Variants in EGFR observed in about 807,000 individuals in gnomAD.
EGFR encodes the protein avian erythroblastic leukemia viral (v-erb-b) oncogene homolog.
EGFR carries 58 observed loss-of-function variants against 143.0 expected under a neutral mutation model. The observed-to-expected ratio is 0.41, with a 90% confidence interval of 0.33 to 0.50. The LOEUF is 0.50. Among genes scored for constraint, EGFR ranks in the 20% least tolerant of loss-of-function variants. The pLI, the probability that EGFR is intolerant of heterozygous loss-of-function variation, is 0.39. For synonymous variants in EGFR, 613 were observed against 594.4 expected (o/e 1.03, Z -0.45); for missense variants, 1,307 against 1,579.0 (o/e 0.83, Z 2.92).
intron 7 of EGFR, among the ~76,000 whole-genome samples, chr7:55,154,604 G>A (rs1785320070): frequency 6.6e-6 from 1 of 152,228 alleles, no homozygotes; most frequent in Admixed American, 6.5e-5. Flanking sequence ...AAATTCTAGT[G>A]AAAGTTATGC....
intron 1 of EGFR, among the ~76,000 whole-genome samples, chr7:55,056,484 A>G (rs111799772): frequency 6.6e-6 from 1 of 152,236 alleles, no homozygotes; most frequent in African/African-American, 2.4e-5. Context: ...TCATTTGCCA[A>G]CTGCGGTTCC....
chr7:55,132,223 T>C (rs1341440423), intron 1 of EGFR, among the ~76,000 whole-genome samples: 1 of 152,178 alleles, frequency 6.6e-6, no homozygotes, highest in Non-Finnish European at 1.5e-5. Context: ...TAGGGGTGGA[T>C]ATGCACCACC....
intron 1 of EGFR, among the ~76,000 whole-genome samples, chr7:55,057,033 C>T (rs939181795): frequency 6.6e-6 from 1 of 152,170 alleles, no homozygotes; most frequent in Non-Finnish European, 1.5e-5. Flanking sequence ...GGATGCGCAG[C>T]AAGGAAGACA....
At chr7:55,202,476 C>T (rs2128972928) in intron 26 of EGFR, 41 bp from the exon 27 acceptor site, 9 of 1,526,286 alleles carry the variant, frequency 5.9e-6, no homozygotes, top group Non-Finnish European at 8.0e-6. Flanking sequence ...GAAGTTGGGG[C>T]AGCCCTGACC....
At chr7:55,043,291 C>T (rs969879468) in intron 1 of EGFR, among the ~76,000 whole-genome samples, 3 of 152,110 alleles carry the variant, frequency 2.0e-5, no homozygotes, top group Non-Finnish European at 2.9e-5. Flanking sequence ...GTTTGGAGAA[C>T]CTTTTGGTTG....
intron 1 of EGFR, among the ~76,000 whole-genome samples, chr7:55,078,437 A>C (rs1790262091): frequency 6.6e-6 from 1 of 152,120 alleles, no homozygotes; most frequent in Non-Finnish European, 1.5e-5. Flanking sequence ...GTCACTCCTA[A>C]AGCATGTGTG....
chr7:55,172,737 A>T, intron 16 of EGFR: 1 of 1,026,208 alleles, frequency 9.7e-7, no homozygotes, highest in Non-Finnish European at 1.4e-6. Flanking sequence ...AGAGGTCCAG[A>T]TAAAGCCTCA....
intron 1 of EGFR, among the ~76,000 whole-genome samples, chr7:55,091,989 A>T (rs559119622): frequency 2.6e-4 from 38 of 147,548 alleles, no homozygotes; most frequent in African/African-American, 8.1e-4. Flanking sequence ...TGATTAATCT[A>T]CTCCTAGCAT....
chr7:55,201,647 C>T (rs543311572), intron 25 of EGFR, 88 bp from the exon 26 acceptor site: 4 of 1,503,728 alleles, frequency 2.7e-6, no homozygotes, highest in South Asian at 1.1e-5. Context: ...ACAATATACC[C>T]TCCATGAGGC....
intron 1 of EGFR, among the ~76,000 whole-genome samples, chr7:55,041,282 A>G (rs1562661697): frequency 6.6e-6 from 1 of 152,320 alleles, no homozygotes; most frequent in East Asian, 1.9e-4. Flanking sequence ...ATGATGGCAC[A>G]TGCCTGTAAT....
intron 20 of EGFR, among the ~76,000 whole-genome samples, chr7:55,189,768 G>A (rs1044976398): frequency 2.0e-5 from 3 of 152,154 alleles, no homozygotes; most frequent in Non-Finnish European, 2.9e-5. Context: ...TGTGAAGAAC[G>A]AACAGGGTAG....
intron 1 of EGFR, among the ~76,000 whole-genome samples, chr7:55,137,609 C>A (rs1022885873): frequency 4.6e-5 from 7 of 152,176 alleles, no homozygotes; most frequent in African/African-American, 1.7e-4. Flanking sequence ...AGATGTCCAA[C>A]AAGAATGCAC....
rs1786368377 is a variant in EGFR, at chr7:55,019,300, G to T, written c.23G>T (p.Gly8Val). 2 of 1,515,098 alleles carry T rather than the reference G, an allele frequency of 1.3e-6. No individual in the cohort carries two copies. Among genetic ancestry groups the T allele is most frequent in the South Asian group, 1.2e-5 (1 of 83,214 alleles). The allele number at this position is 1,515,098 out of a possible 1,614,324, so 93.9% of individuals were successfully genotyped here. Reference protein sequence around the residue: MRPSGTAGAALLALLAAL... With the variant: MRPSGTAVAALLALLAAL... Reference sequence around the variant, plus strand: ...GCGATGCGACCCTCCGGGACGGCCGGGGCAGCGCTCCTGGCGCTGCTGGCT... The same window carrying T: ...GCGATGCGACCCTCCGGGACGGCCGTGGCAGCGCTCCTGGCGCTGCTGGCT... The change falls in exon 1 of 28, where the codon GGG becomes GTG. Residue 8 changes from glycine (G) to valine (V), a missense_variant. Gly to Val is a moderately radical substitution (Grantham distance 109, BLOSUM62 -3). Around this residue, in one of 7 missense-constraint regions of EGFR, gnomAD observed 65 missense variants for 37.8 expected, o/e 1.72. Transcript: ENST00000275493.
At chr7:55,122,401 C>T (rs1481905407) in intron 1 of EGFR, among the ~76,000 whole-genome samples, 7 of 152,226 alleles carry the variant, frequency 4.6e-5, no homozygotes, top group Admixed American at 4.6e-4. Context: ...AGCATGTGTC[C>T]TCAATGGGCT....
intron 1 of EGFR, among the ~76,000 whole-genome samples, chr7:55,068,167 C>T (rs1789626165): frequency 6.6e-6 from 1 of 152,040 alleles, no homozygotes; most frequent in African/African-American, 2.4e-5. Flanking sequence ...CCTTTTTAGT[C>T]AAAAGAACAG....
rs1237706679 is a variant in EGFR, at chr7:55,155,960, C to A, written c.1006+14C>A. On this transcript the variant is annotated intron_variant, in intron 8 of 27. Transcript: ENST00000275493. ...CTTGCCGCAAAGGTAGGAAGCCCGC[C>A]GGTGTGCGGACGAGGCTTGTTCTCG... 4 of 1,598,990 alleles carry A rather than the reference C, an allele frequency of 2.5e-6. No individual in the cohort carries two copies. Among genetic ancestry groups the A allele is most frequent in the Non-Finnish European group, 3.4e-6 (4 of 1,168,064 alleles).
chr7:55,138,811 C>T (rs138177455), intron 1 of EGFR, among the ~76,000 whole-genome samples: 33 of 152,308 alleles, frequency 2.2e-4, no homozygotes, highest in African/African-American at 6.5e-4. Context: ...ATGTATTTGG[C>T]TCATGGTTCT....
At chr7:55,096,643 G>A (rs1223839240) in intron 1 of EGFR, among the ~76,000 whole-genome samples, 2 of 152,120 alleles carry the variant, frequency 1.3e-5, no homozygotes, top group Non-Finnish European at 2.9e-5. Flanking sequence ...TCCCGGCCAC[G>A]CAGCCCTGTG....
At chr7:55,168,669 G>A (rs1276377531) in intron 15 of EGFR, 7 of 1,312,608 alleles carry the variant, frequency 5.3e-6, no homozygotes, top group African/African-American at 3.0e-5. Context: ...TCTTTAGTAT[G>A]TGTGATTACA....
Sources: gnomAD v4.1 joint callset for allele counts (sites outside exome capture counted in the v4.1 genomes callset) on GRCh38, gnomAD v4.1.1 for gene constraint, gnomAD v4.1.1 regional missense constraint, MANE v1.5 for transcripts, NCBI Gene and HGNC (gene_info 2026-07-23, HGNC 2026-07-21) for gene names.